Variants in RPS6KC1 observed in about 807,000 individuals in gnomAD.
RPS6KC1 encodes inactive ribosomal protein S6 kinase delta-1.
RPS6KC1 carries 54 observed loss-of-function variants against 103.8 expected under a neutral mutation model. The ratio of observed to expected loss-of-function variants is 0.52; its 90% CI spans 0.42 to 0.65. The LOEUF (loss-of-function observed/expected upper bound fraction) is 0.65, where lower values mean the gene tolerates loss of function less well. RPS6KC1 is among the 30% of genes least tolerant of loss of function. The pLI is 0.00. For synonymous variants in RPS6KC1, 439 were observed against 438.7 expected (o/e 1.00, Z -0.01); for missense variants, 1,151 against 1,253.8 (o/e 0.92, Z 1.24).
At chr1:213,299,152 C>T in the RPS6KC1 span, among the ~76,000 whole-genome samples, 2 of 152,166 alleles carry the variant, frequency 1.3e-5, no homozygotes, top group Non-Finnish European at 2.9e-5. Context: ...ATGTGTATCC[C>T]AGGAAAGCAA....
At chr1:213,052,874 T>C (rs2148243993) in intron 1 of RPS6KC1, among the ~76,000 whole-genome samples, 1 of 152,224 alleles carries the variant, frequency 6.6e-6, no homozygotes, top group South Asian at 2.1e-4. Flanking sequence ...ATAGATCAGT[T>C]TGGGGCATGG....
At position 213,092,724 on chromosome 1, in the gene RPS6KC1, T is replaced by A. The variant is rs183678673; in HGVS notation, c.263-11730T>A. The stretch of plus-strand genomic sequence containing the variant: ...TATGGAACAATATCCAAGATATGTT[T>A]TTAAGCTAAACAAAACAAACGCGTA... On this transcript the variant is annotated intron_variant, in intron 3 of 14. Transcript: ENST00000366960. Among the ~76,000 whole-genome samples the A allele has an allele frequency of 5.6e-3, 845 of 152,174 alleles. 19 individuals carry two copies. The highest frequency in any genetic ancestry group is 0.017 in the African/African-American group (711 of 41,494).
intron 8 of RPS6KC1, among the ~76,000 whole-genome samples, chr1:213,202,337 G>A (rs570042260): frequency 6.6e-6 from 1 of 152,130 alleles, no homozygotes; most frequent in Non-Finnish European, 1.5e-5. Context: ...GCAGCTGGGC[G>A]TGGTGGCTCA....
intron 6 of RPS6KC1, among the ~76,000 whole-genome samples, chr1:213,147,045 T>C (rs1172325713): frequency 1.3e-5 from 2 of 152,222 alleles, no homozygotes; most frequent in Admixed American, 1.3e-4. Context: ...ATTGGATTAT[T>C]AGATTTTTTC....
the RPS6KC1 span, among the ~76,000 whole-genome samples, chr1:213,433,471 C>A: frequency 6.6e-6 from 1 of 152,154 alleles, no homozygotes; most frequent in Non-Finnish European, 1.5e-5. Context: ...CTAAATTGTT[C>A]TTTAATTTCC....
At chr1:213,483,885 G>A in the RPS6KC1 span, among the ~76,000 whole-genome samples, 2 of 152,220 alleles carry the variant, frequency 1.3e-5, no homozygotes, top group Non-Finnish European at 2.9e-5. Context: ...GCCTGATAGA[G>A]TCTAAGGCTT....
intron 12 of RPS6KC1, among the ~76,000 whole-genome samples, chr1:213,249,521 G>T (rs969068091): frequency 5.3e-5 from 8 of 152,128 alleles, no homozygotes; most frequent in Admixed American, 4.6e-4. Context: ...CAGCAGAGCG[G>T]CAGAGAGAGA....
At chr1:213,464,980 G>A in the RPS6KC1 span, among the ~76,000 whole-genome samples, 1 of 152,068 alleles carries the variant, frequency 6.6e-6, no homozygotes, top group Non-Finnish European at 1.5e-5. Context: ...GCCAAAGGGA[G>A]TTACTCACCC....
intron 4 of RPS6KC1, among the ~76,000 whole-genome samples, chr1:213,112,500 AT>A (rs543879407): frequency 2.0e-5 from 3 of 151,192 alleles, no homozygotes; most frequent in African/African-American, 4.8e-5. Flanking sequence ...AAGTACCTTA[AT>A]TTTTTTTGTT....
At chr1:213,709,818 G>T in the RPS6KC1 span, among the ~76,000 whole-genome samples, 1 of 152,190 alleles carries the variant, frequency 6.6e-6, no homozygotes, top group Non-Finnish European at 1.5e-5. Context: ...TTTCCATGTA[G>T]TTGTGCGGTT....
the RPS6KC1 span, among the ~76,000 whole-genome samples, chr1:213,450,290 C>T: frequency 6.6e-6 from 1 of 151,832 alleles, no homozygotes; most frequent in African/African-American, 2.4e-5. Context: ...TTTCTCAAAG[C>T]CAGCAGGTTT....
At chr1:213,675,144 C>A in the RPS6KC1 span, among the ~76,000 whole-genome samples, 1 of 152,166 alleles carries the variant, frequency 6.6e-6, no homozygotes, top group Non-Finnish European at 1.5e-5. Flanking sequence ...CTCTTAAAAT[C>A]TTTAAGCTCT....
chr1:213,339,622 T>A, the RPS6KC1 span, among the ~76,000 whole-genome samples: 1 of 152,378 alleles, frequency 6.6e-6, no homozygotes, highest in Non-Finnish European at 1.5e-5. Context: ...ACTTCAGATC[T>A]CTTTCATGTT....
At chr1:213,479,500 T>G in the RPS6KC1 span, among the ~76,000 whole-genome samples, 1 of 152,074 alleles carries the variant, frequency 6.6e-6, no homozygotes, top group Non-Finnish European at 1.5e-5. Context: ...GGCAAAATAC[T>G]TGTATATATT....
the RPS6KC1 span, among the ~76,000 whole-genome samples, chr1:213,785,868 G>T: frequency 6.6e-6 from 1 of 152,262 alleles, no homozygotes; most frequent in Non-Finnish European, 1.5e-5. Flanking sequence ...TCATCCCACT[G>T]TGTGCCATAC....
intron 3 of RPS6KC1, among the ~76,000 whole-genome samples, chr1:213,086,380 T>A (rs2080399888): frequency 1.3e-5 from 2 of 152,198 alleles, no homozygotes; most frequent in Admixed American, 1.3e-4. Flanking sequence ...TGTAGTTCCT[T>A]GCCCATGAAG....
chr1:213,139,003 G>A (rs1302987692), intron 6 of RPS6KC1, among the ~76,000 whole-genome samples: 1 of 152,036 alleles, frequency 6.6e-6, no homozygotes, highest in Admixed American at 6.6e-5. Flanking sequence ...TTTCTGCGAT[G>A]TCACTGGCAT....
the RPS6KC1 span, among the ~76,000 whole-genome samples, chr1:213,551,830 T>C: frequency 6.6e-6 from 1 of 152,208 alleles, no homozygotes; most frequent in Admixed American, 6.5e-5. Flanking sequence ...TTTTCATTGC[T>C]CAAAAATTCC....
the RPS6KC1 span, among the ~76,000 whole-genome samples, chr1:213,456,125 C>T: frequency 2.0e-4 from 31 of 152,256 alleles, no homozygotes; most frequent in South Asian, 8.3e-4. Flanking sequence ...TCATTCCTAT[C>T]GGCACATGGG....
Sources: allele counts gnomAD v4.1 joint callset (sites outside exome capture counted in the v4.1 genomes callset), GRCh38; gene constraint gnomAD v4.1.1; transcripts MANE v1.5; gene names NCBI Gene and HGNC (gene_info 2026-07-23, HGNC 2026-07-21).